Variants in MCHR2 observed in about 807,000 individuals in gnomAD.
MCHR2 encodes melanin concentrating hormone receptor 2, also known as melanin-concentrating hormone receptor 2.
A neutral mutation model predicts 24.8 loss-of-function variants in MCHR2; 15 were observed. The ratio of observed to expected loss-of-function variants is 0.60; its 90% CI spans 0.40 to 0.93. The LOEUF is 0.93. Among genes scored for constraint, MCHR2 ranks in the 40% least tolerant of loss-of-function variants. The probability of loss-of-function intolerance (pLI) is 0.00; values close to 1 mark genes in which losing one functional copy is unlikely to be tolerated. For missense variants in MCHR2, 386 were observed against 408.7 expected (o/e 0.94, Z 0.48); for synonymous variants, 151 against 147.6 (o/e 1.02, Z -0.17).
intron 5 of MCHR2, among the ~76,000 whole-genome samples, chr6:99,927,596 C>T (rs947356559): frequency 2.0e-5 from 3 of 152,006 alleles, no homozygotes; most frequent in African/African-American, 7.3e-5. Context: ...CTCTTTGAAG[C>T]AATTGTGAAT....
At chr6:99,942,907 C>A in intron 4 of MCHR2, 42 bp downstream of exon 4, 3 of 1,518,680 alleles carry the variant, frequency 2.0e-6, no homozygotes, top group South Asian at 1.2e-5. Context: ...AAGTTCTTCA[C>A]AACTTAATTC....
At chr6:99,931,687 G>A (rs1449582087) in intron 5 of MCHR2, among the ~76,000 whole-genome samples, 6 of 152,136 alleles carry the variant, frequency 3.9e-5, no homozygotes, top group Non-Finnish European at 5.9e-5. Context: ...TAAGCCCGTC[G>A]GAAAAGCGCA....
chr6:99,939,733 A>G (rs1774735951), intron 4 of MCHR2, among the ~76,000 whole-genome samples: 1 of 151,540 alleles, frequency 6.6e-6, no homozygotes, highest in African/African-American at 2.4e-5. Context: ...TTTCCAACAG[A>G]AGAACTCCCT....
intron 5 of MCHR2, among the ~76,000 whole-genome samples, chr6:99,922,818 G>A (rs1230810912): frequency 1.3e-5 from 2 of 152,034 alleles, no homozygotes; most frequent in Non-Finnish European, 2.9e-5. Flanking sequence ...TTGAAGTAAG[G>A]TAATATGATT....
chr6:99,974,830 C>T (rs772741442), intron 1 of MCHR2, among the ~76,000 whole-genome samples: 4 of 152,214 alleles, frequency 2.6e-5, no homozygotes, highest in Non-Finnish European at 5.9e-5. Flanking sequence ...ACTCCAGATG[C>T]TGTTTGCCTG....
intron 2 of MCHR2, among the ~76,000 whole-genome samples, chr6:99,949,784 G>C (rs1774933272): frequency 6.6e-6 from 1 of 152,052 alleles, no homozygotes; most frequent in East Asian, 1.9e-4. Flanking sequence ...AAAAGATCAT[G>C]TCAAACAAAA....
At chr6:99,979,674 G>A (rs918487084) in intron 1 of MCHR2, among the ~76,000 whole-genome samples, 5 of 152,114 alleles carry the variant, frequency 3.3e-5, no homozygotes, top group African/African-American at 1.2e-4. Flanking sequence ...GATTACATAT[G>A]TGATTTGTAT....
intron 5 of MCHR2, among the ~76,000 whole-genome samples, chr6:99,929,778 T>C (rs1291517528): frequency 6.6e-6 from 1 of 151,242 alleles, no homozygotes; most frequent in Non-Finnish European, 1.5e-5. Flanking sequence ...CTGATGCATC[T>C]TGACTCTTTA....
chr6:99,969,839 G>A (rs574090462), intron 1 of MCHR2, among the ~76,000 whole-genome samples: 3 of 151,540 alleles, frequency 2.0e-5, no homozygotes, highest in African/African-American at 7.3e-5. Context: ...GTGATAGTTC[G>A]CTGAGAATGA....
rs768858041 is a variant in MCHR2, at chr6:99,947,946, TG to T, written c.207del (p.Asp69GlufsTer15). 1.2e-6 allele frequency: 2 copies of T among 1,613,612 alleles called. No individual in the cohort carries two copies. Among genetic ancestry groups the T allele is most frequent in the South Asian group, 2.2e-5 (2 of 91,062 alleles). On this transcript the variant is annotated frameshift_variant, in exon 3 of 6. Transcript: ENST00000281806. LOFTEE classifies it high-confidence loss of function. Reference sequence around the variant, plus strand: ...GCCACAGCCAGGTTGCAGATATAGATGTCAGGGACTGTTTTTTTCCTGGATC... The same window carrying T: ...GCCACAGCCAGGTTGCAGATATAGATTCAGGGACTGTTTTTTTCCTGGATC... ...IIRSRKKTVP[D>X]IYICNLAVAD...
chr6:99,984,252 AT>A (rs1479053320), intron 1 of MCHR2, among the ~76,000 whole-genome samples: 3 of 7,310 alleles, frequency 4.1e-4, no homozygotes, highest in Non-Finnish European at 1.6e-3. Context: ...TTTTATTTTT[AT>A]TTATTTATTT....
intron 1 of MCHR2, among the ~76,000 whole-genome samples, chr6:99,961,712 G>T (rs1211816235): frequency 6.6e-6 from 1 of 152,080 alleles, no homozygotes; most frequent in African/African-American, 2.4e-5. Context: ...GTTGCGGGAT[G>T]GGAGGCTGGG....
intron 1 of MCHR2, among the ~76,000 whole-genome samples, chr6:99,957,416 C>A (rs947177633): frequency 6.6e-6 from 1 of 152,094 alleles, no homozygotes; most frequent in Admixed American, 6.6e-5. Context: ...TCTTCATTTT[C>A]ATTTGGTTCC....
At chr6:99,970,608 T>C (rs1209698673) in intron 1 of MCHR2, among the ~76,000 whole-genome samples, 2 of 152,234 alleles carry the variant, frequency 1.3e-5, no homozygotes, top group African/African-American at 4.8e-5. Flanking sequence ...GCCTTTGTTT[T>C]TGGTGTTTTA....
At chr6:99,983,164 T>C (rs1775704203) in intron 1 of MCHR2, among the ~76,000 whole-genome samples, 2 of 151,360 alleles carry the variant, frequency 1.3e-5, no homozygotes, top group Non-Finnish European at 2.9e-5. Flanking sequence ...AGAGACAGGG[T>C]TTTACCATGT....
chr6:99,951,759 G>C (rs569535522), intron 2 of MCHR2, among the ~76,000 whole-genome samples: 3 of 152,230 alleles, frequency 2.0e-5, no homozygotes, highest in African/African-American at 7.2e-5. Flanking sequence ...GGAAAAAAGA[G>C]ACCTGTGTTC....
intron 5 of MCHR2, among the ~76,000 whole-genome samples, chr6:99,933,212 C>T (rs1024973823): frequency 5.3e-5 from 8 of 152,082 alleles, no homozygotes; most frequent in Non-Finnish European, 1.2e-4. Context: ...TGCAATTTAT[C>T]AGAGTAGGCA....
rs555334435 is a variant in MCHR2, at chr6:99,940,340, C to T, written c.587+2609G>A. Among the ~76,000 whole-genome samples, 5 of 151,970 alleles carry T rather than the reference C, an allele frequency of 3.3e-5. No individual in the cohort carries two copies. The South Asian group carries it at 6.3e-4, about 19-fold the overall frequency. On this transcript the variant is annotated intron_variant, in intron 4 of 5. Transcript: ENST00000281806. ...CTGTCTTTGAGCTCACTAATTCTTT[C>T]CTTTGCTTGACCCGTTCTGCTGTTG...
At position 99,947,890 on chromosome 6, in the gene MCHR2, A is replaced by G; in HGVS notation, c.264T>C (p.Phe88=). The change falls in exon 3 of 6, where the codon TTT becomes TTC. Residue 88 remains phenylalanine, a synonymous_variant. Transcript: ENST00000281806. ...ADLVHIVGMP[F]LIHQWARGGE... The stretch of plus-strand genomic sequence containing the variant: ...CCCCTCGGGCCCATTGGTGAATAAG[A>G]AAAGGCATTCCAACTATGTGGACCA... The G allele has an allele frequency of 1.2e-5, 19 of 1,613,796 alleles. No individual in the cohort carries two copies. The highest frequency in any genetic ancestry group is 1.6e-5 in the Non-Finnish European group (19 of 1,179,802).
Sources: allele counts gnomAD v4.1 joint callset (sites outside exome capture counted in the v4.1 genomes callset), GRCh38; gene constraint gnomAD v4.1.1; transcripts MANE v1.5; gene names NCBI Gene and HGNC (gene_info 2026-07-23, HGNC 2026-07-21).